The following C1orf146 variants were observed in gnomAD, a reference collection of about 807,000 sequenced individuals.
The protein encoded by C1orf146 is chromosome 1 open reading frame 146.
A neutral mutation model predicts 23.0 loss-of-function variants in C1orf146; 22 were observed. The observed-to-expected ratio is 0.96, with a 90% CI of 0.68 to 1.36. The LOEUF is 1.36. Ranked by LOEUF, C1orf146 falls within the 40% of genes most tolerant of loss-of-function variation. C1orf146 has a pLI of 0.00. For synonymous variants in C1orf146, 59 were observed against 65.3 expected (o/e 0.90, Z 0.47); for missense variants, 199 against 206.8 (o/e 0.96, Z 0.23).
chr1:92,241,776 T>A (rs1652436229), intron 2 of C1orf146, among the ~76,000 whole-genome samples: 1 of 152,134 alleles, frequency 6.6e-6, no homozygotes. Flanking sequence ...AGTTTTTTTT[T>A]AAAGTGAAGT....
intron 1 of C1orf146, among the ~76,000 whole-genome samples, chr1:92,230,103 A>G (rs1310256629): frequency 3.3e-5 from 5 of 152,056 alleles, no homozygotes; most frequent in African/African-American, 7.2e-5. Context: ...CCCTTCTCTT[A>G]GTGCAGTGGT....
chr1:92,228,924 T>G, intron 1 of C1orf146: 1 of 417,946 alleles, frequency 2.4e-6, no homozygotes. Flanking sequence ...TTCGTGAGGC[T>G]AGCATGAGAT....
chr1:92,241,784 A>C (rs1652436411), intron 2 of C1orf146, among the ~76,000 whole-genome samples: 1 of 152,070 alleles, frequency 6.6e-6, no homozygotes, highest in African/African-American at 2.4e-5. Flanking sequence ...TTTAAAGTGA[A>C]GTTTGCAGCT....
chr1:92,232,036 A>G (rs1411971478), intron 2 of C1orf146, among the ~76,000 whole-genome samples: 1 of 152,140 alleles, frequency 6.6e-6, no homozygotes, highest in Non-Finnish European at 1.5e-5. Flanking sequence ...ATTGTTCCAT[A>G]GTAACGTGTG....
At chr1:92,241,663 C>CT (rs1293413795) in intron 2 of C1orf146, among the ~76,000 whole-genome samples, 1 of 152,112 alleles carries the variant, frequency 6.6e-6, no homozygotes, top group Admixed American at 6.5e-5. Context: ...AAATTTTGGG[C>CT]TTTTACCATG....
chr1:92,235,641 C>G (rs1652255443), intron 2 of C1orf146, among the ~76,000 whole-genome samples: 1 of 152,142 alleles, frequency 6.6e-6, no homozygotes, highest in African/African-American at 2.4e-5. Context: ...TGGTGTAGAG[C>G]TGAGTTCAAT....
In C1orf146 at chr1:92,244,820, C is replaced by A; in HGVS notation, c.371C>A (p.Thr124Lys). The change falls in exon 5 of 6, where the codon ACA becomes AAA. Residue 124 changes from threonine to lysine, a missense_variant. Coordinates refer to ENST00000370375, the MANE Select transcript of C1orf146 (RefSeq NM_001012425.2). ...TTACGAATACTTCCAGTACACAACA[C>A]AGTAAATGCTATTAATCTTATGTGC... ...CNLRILPVHN[T>K]VNAINLMCTI... 6.2e-7 allele frequency: 1 copy of A among 1,608,778 alleles called. No individual in the cohort carries two copies. Among genetic ancestry groups the A allele is most frequent in the Non-Finnish European group, 8.5e-7 (1 of 1,175,896 alleles).
chr1:92,240,179 C>T (rs1652396701), intron 2 of C1orf146, among the ~76,000 whole-genome samples: 1 of 152,190 alleles, frequency 6.6e-6, no homozygotes, highest in Non-Finnish European at 1.5e-5. Context: ...GGGCTATAGT[C>T]CCTGTGAGAG....
chr1:92,232,606 G>A (rs979262604), intron 2 of C1orf146, among the ~76,000 whole-genome samples: 1 of 152,084 alleles, frequency 6.6e-6, no homozygotes, highest in African/African-American at 2.4e-5. Flanking sequence ...ATGATTTATA[G>A]TCCTTTGGGT....
At chr1:92,230,456 C>G (rs1432370560) in intron 1 of C1orf146, among the ~76,000 whole-genome samples, 2 of 151,406 alleles carry the variant, frequency 1.3e-5, no homozygotes, top group Non-Finnish European at 2.9e-5. Flanking sequence ...ACTAAAAATA[C>G]AAAAAAAAGA....
chr1:92,237,759 A>G (rs546294681), intron 2 of C1orf146, among the ~76,000 whole-genome samples: 1 of 152,262 alleles, frequency 6.6e-6, no homozygotes, highest in Non-Finnish European at 1.5e-5. Context: ...ACATTTGCCC[A>G]TTTTATAGAG....
chr1:92,237,463 G>T (rs1652312345), intron 2 of C1orf146, among the ~76,000 whole-genome samples: 1 of 152,186 alleles, frequency 6.6e-6, no homozygotes, highest in African/African-American at 2.4e-5. Context: ...TCATTCCTCT[G>T]GAAGTTTTGT....
rs1338893461 is a variant in C1orf146, at chr1:92,241,056, A to G, written c.67-1156A>G. The G allele has an allele frequency of 1.4e-5, 5 of 347,880 alleles. No individual in the cohort carries two copies. In the Admixed American group the frequency reaches 1.8e-4, roughly 13 times the overall value. The allele number at this position is 347,880 out of a possible 1,614,324, so 21.5% of individuals were successfully genotyped here. On this transcript the variant is annotated intron_variant, in intron 2 of 5. Coordinates refer to ENST00000370375, the MANE Select transcript of C1orf146 (RefSeq NM_001012425.2). ...TGTAATGTAAACTGATGAATTGTCA[A>G]ATTGGTTGTCTTCTGTGATGGTATT...
chr1:92,236,379 G>A (rs1256270724), intron 2 of C1orf146, among the ~76,000 whole-genome samples: 1 of 152,062 alleles, frequency 6.6e-6, no homozygotes, highest in Non-Finnish European at 1.5e-5. Context: ...GCGTAGTTTG[G>A]CTGGATATGA....
chr1:92,244,646 C>T (rs1244027337), intron 4 of C1orf146, 133 bp from the exon 5 acceptor site: 2 of 656,442 alleles, frequency 3.0e-6, no homozygotes, highest in Non-Finnish European at 5.2e-6. Context: ...ATCTCAAATC[C>T]TCTGTGGAGT....
Position 92,243,585 on chromosome 1 carries a change from T to A in C1orf146, c.161-632T>A, listed in dbSNP as rs184189493. ...TGGTCTCGAACTCCTGACTTTGTGA[T>A]CCGCCCACCTCGGCCTCCCAAAGTG... On this transcript the variant is annotated intron_variant, in intron 3 of 5. Coordinates refer to ENST00000370375, the MANE Select transcript of C1orf146 (RefSeq NM_001012425.2). 6.8e-3 allele frequency among the ~76,000 whole-genome samples: 1,033 copies of A among 152,268 alleles called. 5 individuals carry two copies. Among genetic ancestry groups the A allele is most frequent in the African/African-American group, 0.024 (982 of 41,552 alleles).
At chr1:92,222,733 C>T (rs1469340048) in intron 1 of C1orf146, among the ~76,000 whole-genome samples, 1 of 151,434 alleles carries the variant, frequency 6.6e-6, no homozygotes, top group Non-Finnish European at 1.5e-5. Flanking sequence ...ACTACAGGCG[C>T]CTGCCACCAC....
rs556979623 is a variant in C1orf146 at position 92,237,004 on chromosome 1, G to A, written c.67-5208G>A. ...TCTGTATTGTTTATTCTAGTTATAC[G>A]TTCGCCTAAATTTTTTTCAAAGTTT... On this transcript the variant is annotated intron_variant, in intron 2 of 5. Coordinates refer to ENST00000370375, the MANE Select transcript of C1orf146 (RefSeq NM_001012425.2). Among the ~76,000 whole-genome samples the A allele has an allele frequency of 3.9e-5, 6 of 152,080 alleles. No individual in the cohort carries two copies. The East Asian group carries it at 7.7e-4, about 20-fold the overall frequency.
Position 92,239,279 on chromosome 1 carries a change from G to T in C1orf146, c.67-2933G>T, listed in dbSNP as rs184981407. Among the ~76,000 whole-genome samples, 81 of 152,192 alleles carry T rather than the reference G, an allele frequency of 5.3e-4. 1 individual carries two copies. Among genetic ancestry groups the T allele is most frequent in the African/African-American group, 1.8e-3 (75 of 41,526 alleles). On this transcript the variant is annotated intron_variant, in intron 2 of 5. Transcript: ENST00000370375. Reference sequence around the variant, plus strand: ...TGATAGTTTTCTTTAATGGAATTGTGTCCCTTTGTATGTCTGATTATTTTT... The same window carrying T: ...TGATAGTTTTCTTTAATGGAATTGTTTCCCTTTGTATGTCTGATTATTTTT...
Sources: gnomAD v4.1 joint callset for allele counts (sites outside exome capture counted in the v4.1 genomes callset) on GRCh38, gnomAD v4.1.1 for gene constraint, MANE v1.5 for transcripts, NCBI Gene and HGNC (gene_info 2026-07-23, HGNC 2026-07-21) for gene names.